PLEKHG3: variants seen among roughly 807,000 people sequenced by gnomAD.
PLEKHG3 encodes pleckstrin homology domain-containing family G member 3.
In PLEKHG3, 62 loss-of-function variants were observed where a neutral mutation model predicts 94.9. The observed-to-expected ratio is 0.65, with a 90% CI of 0.53 to 0.81. PLEKHG3 has a LOEUF of 0.81. Ranked by LOEUF, PLEKHG3 falls within the 30% of genes least tolerant of loss-of-function variation. The pLI is 0.00. For missense variants in PLEKHG3, 1,461 were observed against 1,619.3 expected, an observed-to-expected ratio of 0.90 and a Z score of 1.68; for synonymous variants, 614 against 654.0, an observed-to-expected ratio of 0.94 and a Z score of 0.93.
rs2081283439 is a variant in PLEKHG3, at chr14:64,722,690, A to G, written c.-39-4903A>G. Among the ~76,000 whole-genome samples the G allele has an allele frequency of 6.6e-6, 1 of 152,148 alleles. No homozygotes were observed. Among genetic ancestry groups the G allele is most frequent in the Non-Finnish European group, 1.5e-5 (1 of 68,024 alleles). ...TGTGGGGTGAAGGGCAGTGGATGAA[A>G]TGACGACATCAGCCTCTGAACCAGA... On this transcript the variant is annotated intron_variant, in intron 1 of 16. Transcript: ENST00000247226. The surrounding 1 kb of genome is among the most constrained non-coding windows in gnomAD (Gnocchi z 4.3).
At position 64,728,037 on chromosome 14, in the gene PLEKHG3, G is replaced by C. The variant is rs1368449738; in HGVS notation, c.351+55G>C. ...TTCTAGCAGAAGCCTGTTTCACCCT[G>C]GGAGGGAAGCTCTCAAAAGACCTGC... On this transcript the variant is annotated intron_variant, in intron 2 of 16. Coordinates refer to ENST00000247226, the MANE Select transcript of PLEKHG3 (RefSeq NM_001308147.2). This position sits in a 1 kb window ranked among gnomAD's most constrained non-coding sequence, Gnocchi z 5.9. The C allele has an allele frequency of 8.7e-7, 1 of 1,155,390 alleles. No individual in the cohort carries two copies. The highest frequency in any genetic ancestry group is 1.2e-6 in the Non-Finnish European group (1 of 834,968). 71.6% of individuals were successfully genotyped at this position (1,155,390 alleles called of 1,614,324 possible). A position where few individuals can be genotyped will look rare whatever the true frequency, so the allele number is the denominator to read the frequency against.
rs1415191711 is a variant in PLEKHG3, at chr14:64,716,550, C to CACACACACAA, written c.-39-11042_-39-11041insCACACACAAA. 2.8e-5 allele frequency among the ~76,000 whole-genome samples: 4 copies of CACACACACAA among 142,836 alleles called. No homozygotes were observed. The South Asian group carries it at 9.0e-4, about 32-fold the overall frequency. The allele number at this position is 142,836 out of a possible 152,430, so 93.7% of individuals were successfully genotyped here. ...ACACACACACACACACACACACACA[C>CACACACACAA]AAAGCAGAGTTAATCTCCCACTTCT... On this transcript the variant is annotated intron_variant, in intron 1 of 16. Transcript: ENST00000247226. This position sits in a 1 kb window ranked among gnomAD's most constrained non-coding sequence, Gnocchi z 5.0.
rs754826387 is a variant in PLEKHG3 at position 64,731,023 on chromosome 14, C to CT, written c.718-14dup. The CT allele has an allele frequency of 6.8e-6, 11 of 1,614,032 alleles. No individual in the cohort carries two copies. The Admixed American group carries it at 1.7e-4, about 24-fold the overall frequency. ...CTTCGGGTCAGGGGCACCTAAGCGT[C>CT]TATCTTCTGCGCAGGAAATTGCCAA... is the stretch of plus-strand genomic sequence containing the variant. On this transcript the variant is annotated splice_polypyrimidine_tract_variant and intron_variant, in intron 6 of 16. Coordinates refer to ENST00000247226, the MANE Select transcript of PLEKHG3 (RefSeq NM_001308147.2). The surrounding 1 kb of genome is among the most constrained non-coding windows in gnomAD (Gnocchi z 6.1).
In PLEKHG3 at chr14:64,742,415, C is replaced by G; in HGVS notation, c.2898C>G (p.Pro966=). ...GGGATGGGAAGAGCCCCACTGTGCC[C>G]TGTCTACAGGAAGAGGCTGGAGAGC... ...PERDGKSPTV[P]CLQEEAGEPL... Residue 966 remains proline (P), a synonymous_variant, in exon 16 of 17, where the codon CCC becomes CCG. Coordinates refer to ENST00000247226, the MANE Select transcript of PLEKHG3 (RefSeq NM_001308147.2). The G allele has an allele frequency of 1.2e-6, 2 of 1,612,412 alleles. No homozygotes were observed. The highest frequency in any genetic ancestry group is 1.7e-6 in the Non-Finnish European group (2 of 1,179,860).
rs2081236392 is a variant in PLEKHG3 at position 64,720,031 on chromosome 14, G to A, written c.-39-7562G>A. On this transcript the variant is annotated intron_variant, in intron 1 of 16. Coordinates refer to ENST00000247226, the MANE Select transcript of PLEKHG3 (RefSeq NM_001308147.2). The surrounding 1 kb of genome is among the most constrained non-coding windows in gnomAD (Gnocchi z 4.1). ...TGCATAGTGACAAGTTGTGCTGGCA[G>A]CCAAGTTACCTCTACACTGGCTGTG... Among the ~76,000 whole-genome samples the A allele has an allele frequency of 1.3e-5, 2 of 152,212 alleles. No homozygotes were observed. Among genetic ancestry groups the A allele is most frequent in the African/African-American group, 4.8e-5 (2 of 41,454 alleles).
chr14:64,730,126 C>T lies in PLEKHG3; in HGVS notation c.450-117C>T. ...CCCTCTGAGGCTAGAAGCCCCAGTTCTTTAGCAAAGCAATAGGGCTGGCTG... is the reference window on the plus strand; with the variant it reads ...CCCTCTGAGGCTAGAAGCCCCAGTTTTTTAGCAAAGCAATAGGGCTGGCTG... On this transcript the variant is annotated intron_variant, in intron 3 of 16. Coordinates refer to ENST00000247226, the MANE Select transcript of PLEKHG3 (RefSeq NM_001308147.2). This position sits in a 1 kb window ranked among gnomAD's most constrained non-coding sequence, Gnocchi z 5.4. 1.6e-6 allele frequency: 1 copy of T among 635,790 alleles called. No homozygotes were observed. The highest frequency in any genetic ancestry group is 2.8e-6 in the Non-Finnish European group (1 of 355,436). The allele number at this position is 635,790 out of a possible 1,614,324, so 39.4% of individuals were successfully genotyped here. A position where few individuals can be genotyped will look rare whatever the true frequency, so the allele number is the denominator to read the frequency against.
rs1422377530 is a variant in PLEKHG3 at position 64,747,378 on chromosome 14, A to G, written c.*3675A>G. The G allele has an allele frequency of 6.5e-6, 1 of 152,684 alleles. No homozygotes were observed. Among genetic ancestry groups the G allele is most frequent in the Non-Finnish European group, 1.5e-5 (1 of 68,056 alleles). 9.5% of individuals were successfully genotyped at this position (152,684 alleles called of 1,614,324 possible). A position where few individuals can be genotyped will look rare whatever the true frequency, so the allele number is the denominator to read the frequency against. ...ATTGCTAGGTGAGTGCAGTCACCTC[A>G]CTGCCTTGGTTTCCCCAGATACAGA... On this transcript the variant is annotated 3_prime_UTR_variant, in exon 17 of 17. Coordinates refer to ENST00000247226, the MANE Select transcript of PLEKHG3 (RefSeq NM_001308147.2).
intron 16 of PLEKHG3, 73 bp downstream of exon 16, chr14:64,742,528 C>T: frequency 1.7e-6 from 2 of 1,179,630 alleles, no homozygotes; most frequent in Non-Finnish European, 1.2e-6. Context: ...CCACTTGGCT[C>T]CTCGGGGAAA....
In PLEKHG3 at chr14:64,749,691, C is replaced by T; in HGVS notation, c.*5988C>T. Reference sequence around the variant, plus strand: ...ATGGAAGAGCCACTCGCTGCCATTACTCAGCCTAGGAGGACAAAGGGTTTC... The same window carrying T: ...ATGGAAGAGCCACTCGCTGCCATTATTCAGCCTAGGAGGACAAAGGGTTTC... On this transcript the variant is annotated 3_prime_UTR_variant, in exon 17 of 17. Coordinates refer to ENST00000247226, the MANE Select transcript of PLEKHG3 (RefSeq NM_001308147.2). This position sits in a 1 kb window ranked among gnomAD's most constrained non-coding sequence, Gnocchi z 4.7. 6.2e-7 allele frequency: 1 copy of T among 1,613,838 alleles called. No individual in the cohort carries two copies.
In PLEKHG3 at chr14:64,730,130, A is replaced by C; in HGVS notation, c.450-113A>C. The C allele has an allele frequency of 1.6e-6, 1 of 639,534 alleles. No homozygotes were observed. Among genetic ancestry groups the C allele is most frequent in the South Asian group, 1.8e-5 (1 of 55,630 alleles). The allele number at this position is 639,534 out of a possible 1,614,324, so 39.6% of individuals were successfully genotyped here. A position where few individuals can be genotyped will look rare whatever the true frequency, so the allele number is the denominator to read the frequency against. ...CTGAGGCTAGAAGCCCCAGTTCTTT[A>C]GCAAAGCAATAGGGCTGGCTGTCAG... On this transcript the variant is annotated intron_variant, in intron 3 of 16. Coordinates refer to ENST00000247226, the MANE Select transcript of PLEKHG3 (RefSeq NM_001308147.2). The surrounding 1 kb of genome is among the most constrained non-coding windows in gnomAD (Gnocchi z 5.4).
intron 1 of PLEKHG3, among the ~76,000 whole-genome samples, chr14:64,707,993 A>T (rs1348952624): frequency 1.3e-5 from 2 of 152,262 alleles, no homozygotes; most frequent in Admixed American, 1.3e-4. Context: ...TCTCCAACCA[A>T]ATTCTGCAGG....
chr14:64,731,905 C>T lies in PLEKHG3; in HGVS notation c.1125+99C>T. 2.2e-6 allele frequency: 2 copies of T among 919,428 alleles called. No individual in the cohort carries two copies. Among genetic ancestry groups the T allele is most frequent in the Non-Finnish European group, 3.5e-6 (2 of 567,130 alleles). The allele number at this position is 919,428 out of a possible 1,614,324, so 57.0% of individuals were successfully genotyped here. A position where few individuals can be genotyped will look rare whatever the true frequency, so the allele number is the denominator to read the frequency against. On this transcript the variant is annotated intron_variant, in intron 9 of 16. Coordinates refer to ENST00000247226, the MANE Select transcript of PLEKHG3 (RefSeq NM_001308147.2). This position sits in a 1 kb window ranked among gnomAD's most constrained non-coding sequence, Gnocchi z 6.1. ...TCTGCTCACCTAGCTGCCCCAAGCC[C>T]CAGTGTCTCCATCTGTGAGGCAAGG...
At chr14:64,729,311 T>C (rs1273035363) in intron 3 of PLEKHG3, among the ~76,000 whole-genome samples, 1 of 152,184 alleles carries the variant, frequency 6.6e-6, no homozygotes, top group Non-Finnish European at 1.5e-5. Context: ...GTGTGCATGT[T>C]GGGTCCATCC....
At chr14:64,713,032 A>C (rs902050461) in intron 1 of PLEKHG3, among the ~76,000 whole-genome samples, 9 of 152,178 alleles carry the variant, frequency 5.9e-5, no homozygotes, top group African/African-American at 2.2e-4. Flanking sequence ...GATTTTGTCA[A>C]AATTTTTTTC....
chr14:64,742,769 T>C (rs2081732640), intron 16 of PLEKHG3, among the ~76,000 whole-genome samples: 1 of 152,184 alleles, frequency 6.6e-6, no homozygotes, highest in South Asian at 2.1e-4. Flanking sequence ...CCCCTCTGCC[T>C]TTGACTCCTG....
intron 12 of PLEKHG3, among the ~76,000 whole-genome samples, chr14:64,733,221 G>A (rs2081508464): frequency 6.8e-6 from 1 of 147,012 alleles, no homozygotes; most frequent in Non-Finnish European, 1.5e-5. Context: ...CTGGAGTGCA[G>A]TGGCTCGATC....
rs2081283255 is a variant in PLEKHG3 at position 64,722,681 on chromosome 14, G to A, written c.-39-4912G>A. 2.0e-5 allele frequency among the ~76,000 whole-genome samples: 3 copies of A among 152,220 alleles called. No individual in the cohort carries two copies. The highest frequency in any genetic ancestry group is 7.2e-5 in the African/African-American group (3 of 41,468). ...ATTCTTGAGTGTGGGGTGAAGGGCA[G>A]TGGATGAAATGACGACATCAGCCTC... On this transcript the variant is annotated intron_variant, in intron 1 of 16. Coordinates refer to ENST00000247226, the MANE Select transcript of PLEKHG3 (RefSeq NM_001308147.2). This position sits in a 1 kb window ranked among gnomAD's most constrained non-coding sequence, Gnocchi z 4.3.
intron 14 of PLEKHG3, chr14:64,737,883 C>G: frequency 8.3e-7 from 1 of 1,205,992 alleles, no homozygotes; most frequent in Non-Finnish European, 1.1e-6. Flanking sequence ...TGCTGGAACC[C>G]TCCTGGACTT....
intron 1 of PLEKHG3, among the ~76,000 whole-genome samples, chr14:64,709,352 C>A (rs2081030394): frequency 6.6e-6 from 1 of 152,174 alleles, no homozygotes; most frequent in South Asian, 2.1e-4. Context: ...TCTGGGAATG[C>A]AAGCACTAGG....
Sources: allele counts gnomAD v4.1 joint callset (sites outside exome capture counted in the v4.1 genomes callset), GRCh38; gene constraint gnomAD v4.1.1; non-coding constraint Gnocchi (gnomAD v3.1); transcripts MANE v1.5; gene names NCBI Gene and HGNC (gene_info 2026-07-23, HGNC 2026-07-21).